The following RBMS3 variants were observed in gnomAD, a reference collection of about 807,000 sequenced individuals.
RBMS3 encodes the protein RNA-binding motif, single-stranded-interacting protein 3.
A neutral mutation model predicts 66.8 loss-of-function variants in RBMS3; 27 were observed. The ratio of observed to expected loss-of-function variants is 0.40; its 90% CI spans 0.30 to 0.56. RBMS3 has a LOEUF of 0.56. RBMS3 is among the 20% of genes least tolerant of loss of function. The pLI is 0.40. For synonymous variants in RBMS3, 188 were observed against 183.0 expected, an observed-to-expected ratio of 1.03 and a Z score of -0.22; for missense variants, 513 against 549.5, an observed-to-expected ratio of 0.93 and a Z score of 0.66.
intron 10 of RBMS3, among the ~76,000 whole-genome samples, chr3:29,904,619 A>C (rs1402306481): frequency 6.6e-6 from 1 of 152,042 alleles, no homozygotes; most frequent in Non-Finnish European, 1.5e-5. Context: ...TAAGTTGCTG[A>C]CACAAAAGAT....
intron 4 of RBMS3, among the ~76,000 whole-genome samples, chr3:29,648,263 ATT>A (rs749839563): frequency 3.2e-4 from 25 of 77,630 alleles, no homozygotes; most frequent in African/African-American, 5.2e-4. Flanking sequence ...GAAAATGTCT[ATT>A]TTTTTTTTTT....
intron 1 of RBMS3, among the ~76,000 whole-genome samples, chr3:29,324,817 G>A (rs541669656): frequency 8.4e-4 from 128 of 151,670 alleles, no homozygotes; most frequent in Non-Finnish European, 1.5e-3. Flanking sequence ...CAGCCTGCCT[G>A]CCTATCTGCC....
intron 1 of RBMS3, among the ~76,000 whole-genome samples, chr3:29,298,362 A>G (rs2033432798): frequency 6.6e-6 from 1 of 152,058 alleles, no homozygotes; most frequent in South Asian, 2.1e-4. Flanking sequence ...CAACAGTGCT[A>G]GTCAGTATCT....
At chr3:29,990,117 C>G (rs968175655) in intron 13 of RBMS3, among the ~76,000 whole-genome samples, 1 of 152,048 alleles carries the variant, frequency 6.6e-6, no homozygotes. Flanking sequence ...TGTGAAAACA[C>G]TCATTGAACA....
intron 13 of RBMS3, among the ~76,000 whole-genome samples, chr3:29,990,075 GATTATAAGGAAAAGC>G (rs1275453714): frequency 6.6e-6 from 1 of 152,002 alleles, no homozygotes; most frequent in East Asian, 1.9e-4. Flanking sequence ...TTGAACCAGT[GATTATAAGGAAAAGC>G]ATTAATTCAT....
chr3:29,838,469 T>C (rs1009387698), intron 6 of RBMS3, among the ~76,000 whole-genome samples: 6 of 152,196 alleles, frequency 3.9e-5, no homozygotes, highest in African/African-American at 1.4e-4. Context: ...GTTATGTTAA[T>C]TTCGGCCCAC....
intron 1 of RBMS3, among the ~76,000 whole-genome samples, chr3:29,314,655 C>T (rs374909402): frequency 8.6e-5 from 13 of 151,646 alleles, no homozygotes; most frequent in African/African-American, 2.9e-4. Flanking sequence ...TGGAGGGAAC[C>T]AGATATGGTG....
intron 3 of RBMS3, among the ~76,000 whole-genome samples, chr3:29,525,630 T>G (rs184924747): frequency 1.3e-5 from 2 of 152,340 alleles, no homozygotes; most frequent in East Asian, 1.9e-4. Flanking sequence ...TGTATTGGTT[T>G]GTAATTCCAC....
chr3:29,931,114 A>G (rs542317229), intron 10 of RBMS3, among the ~76,000 whole-genome samples: 6 of 152,344 alleles, frequency 3.9e-5, no homozygotes, highest in African/African-American at 1.4e-4. Flanking sequence ...AACAATCAAA[A>G]TGAGAAATAT....
intron 6 of RBMS3, among the ~76,000 whole-genome samples, chr3:29,775,268 T>TA (rs985828566): frequency 1.4e-4 from 5 of 34,826 alleles, no homozygotes; most frequent in Non-Finnish European, 3.4e-4. Flanking sequence ...TTTATTTATT[T>TA]TTTTTTTTTG....
At chr3:29,830,804 A>G (rs2058351975) in intron 6 of RBMS3, among the ~76,000 whole-genome samples, 1 of 152,158 alleles carries the variant, frequency 6.6e-6, no homozygotes, top group Non-Finnish European at 1.5e-5. Context: ...TTGTGCATTC[A>G]TTTCCAGTGA....
intron 6 of RBMS3, 109 bp downstream of exon 6, chr3:29,763,098 G>C: frequency 2.9e-6 from 2 of 681,612 alleles, no homozygotes; most frequent in South Asian, 4.4e-5. Flanking sequence ...TGGGGGGTTT[G>C]CTTTTCTTAA....
At chr3:29,952,612 G>A (rs1056303808) in intron 12 of RBMS3, among the ~76,000 whole-genome samples, 4 of 151,688 alleles carry the variant, frequency 2.6e-5, no homozygotes, top group Admixed American at 1.3e-4. Flanking sequence ...AATGAAATCT[G>A]CTGTTGATTT....
At chr3:29,627,776 G>C (rs1286672786) in intron 4 of RBMS3, among the ~76,000 whole-genome samples, 1 of 152,130 alleles carries the variant, frequency 6.6e-6, no homozygotes, top group Non-Finnish European at 1.5e-5. Flanking sequence ...GCATATTTGT[G>C]AAAAGAAGAG....
intron 2 of RBMS3, among the ~76,000 whole-genome samples, chr3:29,449,449 C>A (rs751330855): frequency 2.6e-4 from 39 of 152,106 alleles, no homozygotes; most frequent in Non-Finnish European, 3.5e-4. Flanking sequence ...ATATAAATGC[C>A]CATTGATGCA....
chr3:29,853,423 C>CT (rs71091081), intron 6 of RBMS3, among the ~76,000 whole-genome samples: 19,996 of 84,974 alleles, frequency 0.24, 2,723 homozygotes, highest in Non-Finnish European at 0.31. Flanking sequence ...AATTTACTTT[C>CT]TTTTTTTTTT....
At chr3:29,880,824 G>T in intron 7 of RBMS3, 1 of 1,535,480 alleles carries the variant, frequency 6.5e-7, no homozygotes, top group Non-Finnish European at 8.7e-7. Flanking sequence ...TGAAGTAGGT[G>T]AATCTTGTAT....
intron 6 of RBMS3, among the ~76,000 whole-genome samples, chr3:29,830,850 G>A (rs2058353025): frequency 6.6e-6 from 1 of 152,094 alleles, no homozygotes; most frequent in Admixed American, 6.6e-5. Flanking sequence ...ACACCCAACA[G>A]AAAATAGAAG....
chr3:29,461,513 A>G (rs2042368501), intron 2 of RBMS3, among the ~76,000 whole-genome samples: 1 of 152,242 alleles, frequency 6.6e-6, no homozygotes, highest in Admixed American at 6.5e-5. Flanking sequence ...TTGCAGAAAG[A>G]AGCTTTGATA....
Sources: allele counts gnomAD v4.1 joint callset (sites outside exome capture counted in the v4.1 genomes callset), GRCh38; gene constraint gnomAD v4.1.1; transcripts MANE v1.5; gene names NCBI Gene and HGNC (gene_info 2026-07-23, HGNC 2026-07-21).